Variants in ADARB1 observed in about 807,000 individuals in gnomAD.
ADARB1 encodes double-stranded RNA-specific editase 1.
Under a neutral mutation model 52.4 loss-of-function variants are expected in ADARB1, and 10 were observed. That is an observed-to-expected ratio of 0.19 (90% confidence interval 0.12 to 0.32). The LOEUF is 0.32. Ranked by LOEUF, ADARB1 falls within the 10% of genes least tolerant of loss-of-function variation. The pLI, the probability that ADARB1 is intolerant of heterozygous loss-of-function variation, is 1.00. For synonymous variants in ADARB1, 349 were observed against 371.1 expected, an observed-to-expected ratio of 0.94 and a Z score of 0.68; for missense variants, 643 against 922.3, an observed-to-expected ratio of 0.70 and a Z score of 3.92.
intron 2 of ADARB1, among the ~76,000 whole-genome samples, chr21:45,168,494 A>G (rs959472403): frequency 6.6e-6 from 1 of 152,234 alleles, no homozygotes; most frequent in African/African-American, 2.4e-5. Flanking sequence ...AGTTTTGAAT[A>G]AGGTAGGAGA....
rs2093041395 is a variant in ADARB1 at position 45,225,125 on chromosome 21, G to A, written c.*2928G>A. The A allele has an allele frequency of 9.9e-7, 1 of 1,006,758 alleles. No homozygotes were observed. The highest frequency in any genetic ancestry group is 1.2e-6 in the Non-Finnish European group (1 of 844,972). The allele number at this position is 1,006,758 out of a possible 1,614,324, so 62.4% of individuals were successfully genotyped here. A position where few individuals can be genotyped will look rare whatever the true frequency, so the allele number is the denominator to read the frequency against. On this transcript the variant is annotated 3_prime_UTR_variant, in exon 11 of 11. Transcript: ENST00000348831. Reference sequence around the variant, plus strand: ...AAACCTGAAGTATTAATTCCACAAAGACACTGTCCCTCAGGACCACTCAGG... The same window carrying A: ...AAACCTGAAGTATTAATTCCACAAAAACACTGTCCCTCAGGACCACTCAGG...
At position 45,204,495 on chromosome 21, in the gene ADARB1, C is replaced by A; in HGVS notation, c.1566-60C>A. 2 of 1,557,140 alleles carry A rather than the reference C, an allele frequency of 1.3e-6. No individual in the cohort carries two copies. Among genetic ancestry groups the A allele is most frequent in the Non-Finnish European group, 1.8e-6 (2 of 1,138,146 alleles). On this transcript the variant is annotated intron_variant, in intron 8 of 10. Transcript: ENST00000348831. The surrounding 1 kb of genome is among the most constrained non-coding windows in gnomAD (Gnocchi z 4.4). ...ATCCCTGTAACCACGCAGGCTTGGG[C>A]TGGGCTGCGTCGACACTGAGTCCGA... is the stretch of plus-strand genomic sequence containing the variant.
chr21:45,185,582 G>GA (rs899199858), intron 8 of ADARB1, among the ~76,000 whole-genome samples: 1 of 152,174 alleles, frequency 6.6e-6, no homozygotes, highest in Non-Finnish European at 1.5e-5. Context: ...CTGGGTGTGG[G>GA]TTAGGCTTAG....
chr21:45,164,971 A>G (rs375023335), intron 2 of ADARB1, among the ~76,000 whole-genome samples: 26 of 152,264 alleles, frequency 1.7e-4, no homozygotes, highest in East Asian at 1.4e-3. Context: ...ACACATGTGC[A>G]TTGGTACACC....
chr21:45,119,041 A>C lies in ADARB1; in HGVS notation c.-219-9361A>C, dbSNP rs1262634761. Among the ~76,000 whole-genome samples, 5 of 152,184 alleles carry C rather than the reference A, an allele frequency of 3.3e-5. No homozygotes were observed. In the East Asian group the frequency reaches 9.6e-4, roughly 29 times the overall value. The stretch of plus-strand genomic sequence containing the variant: ...ACATTTTAACAGAGCTCTGGGAAGA[A>C]TGGAGAGAAGATATGGTGTACTTTA... On this transcript the variant is annotated intron_variant, in intron 1 of 10. Transcript: ENST00000348831.
At chr21:45,195,719 G>A (rs1052286403) in intron 8 of ADARB1, among the ~76,000 whole-genome samples, 1 of 151,646 alleles carries the variant, frequency 6.6e-6, no homozygotes, top group Non-Finnish European at 1.5e-5. Context: ...TCAGTTGACT[G>A]TATTTATGTA....
intron 2 of ADARB1, among the ~76,000 whole-genome samples, chr21:45,156,824 G>C (rs2090682493): frequency 6.6e-6 from 1 of 152,142 alleles, no homozygotes; most frequent in African/African-American, 2.4e-5. Flanking sequence ...TCAGGCTTGA[G>C]GTTTGTTCTG....
At chr21:45,087,520 CT>C (rs2086393615) in intron 1 of ADARB1, among the ~76,000 whole-genome samples, 1 of 152,116 alleles carries the variant, frequency 6.6e-6, no homozygotes, top group Admixed American at 6.5e-5. Context: ...GAGATGGTGA[CT>C]GCAGAGGGCC....
intron 1 of ADARB1, among the ~76,000 whole-genome samples, chr21:45,106,773 C>G (rs1378016527): frequency 6.6e-6 from 1 of 152,152 alleles, no homozygotes; most frequent in Non-Finnish European, 1.5e-5. Context: ...GCAAATTTGT[C>G]TCTTCTCTGT....
In ADARB1 at chr21:45,098,482, C is replaced by G. The variant is rs562565565; in HGVS notation, c.-220+23689C>G. Among the ~76,000 whole-genome samples the G allele has an allele frequency of 1.3e-4, 20 of 152,292 alleles. No homozygotes were observed. The South Asian group carries it at 4.1e-3, about 32-fold the overall frequency. Reference sequence around the variant, plus strand: ...CAGCTCATTATATGACCGTTGTCTCCCATCCCGTCCTGACCTGCCTGTTTA... The same window carrying G: ...CAGCTCATTATATGACCGTTGTCTCGCATCCCGTCCTGACCTGCCTGTTTA... On this transcript the variant is annotated intron_variant, in intron 1 of 10. Transcript: ENST00000348831.
rs532607010 is a variant in ADARB1 at position 45,147,393 on chromosome 21, G to T, written c.-48+18820G>T. 1.2e-4 allele frequency among the ~76,000 whole-genome samples: 19 copies of T among 152,296 alleles called. No homozygotes were observed. In the South Asian group the frequency reaches 3.9e-3, roughly 32 times the overall value. ...CTGTGGGTTGCTTTTGACGTCCTCT[G>T]TTGGGGATACACTGTGCATCCGTAT... On this transcript the variant is annotated intron_variant, in intron 2 of 10. Transcript: ENST00000348831.
In ADARB1 at chr21:45,163,499, G is replaced by T. The variant is rs151217998; in HGVS notation, c.-47-8111G>T. On this transcript the variant is annotated intron_variant, in intron 2 of 10. Transcript: ENST00000348831. ...CCAGCGGGGGAGTGAGCGGGGAGGG[G>T]CAACCAGCTTTGCACAAGGAGCCAG... Among the ~76,000 whole-genome samples, 580 of 152,300 alleles carry T rather than the reference G, an allele frequency of 3.8e-3. 6 individuals carry two copies. The highest frequency in any genetic ancestry group is 0.013 in the African/African-American group (556 of 41,560).
rs2092984803 is a variant in ADARB1, at chr21:45,222,503, T to C, written c.*306T>C. 8.5e-7 allele frequency: 1 copy of C among 1,172,076 alleles called. No homozygotes were observed. The highest frequency in any genetic ancestry group is 4.0e-5 in the South Asian group (1 of 24,778). The allele number at this position is 1,172,076 out of a possible 1,614,324, so 72.6% of individuals were successfully genotyped here. A position where few individuals can be genotyped will look rare whatever the true frequency, so the allele number is the denominator to read the frequency against. The stretch of plus-strand genomic sequence containing the variant: ...CTCGGTTTACGTTTAGAAATTGAGT[T>C]CTACTGAGTAGGGCTTCCTTAAGTT... On this transcript the variant is annotated 3_prime_UTR_variant, in exon 11 of 11. Transcript: ENST00000348831.
intron 4 of ADARB1, among the ~76,000 whole-genome samples, chr21:45,178,811 A>G (rs907888624): frequency 6.6e-6 from 1 of 152,038 alleles, no homozygotes; most frequent in African/African-American, 2.4e-5. Flanking sequence ...CATTAACCAT[A>G]CAGGTTAATG....
At chr21:45,118,475 A>G (rs548296913) in intron 1 of ADARB1, 2 of 152,310 alleles carry the variant, frequency 1.3e-5, no homozygotes, top group East Asian at 1.9e-4. Flanking sequence ...CTTTGTTCTC[A>G]TACTTATTGA....
Position 45,222,438 on chromosome 21 carries a change from A to G in ADARB1, c.*241A>G, listed in dbSNP as rs923741790. On this transcript the variant is annotated 3_prime_UTR_variant, in exon 11 of 11. Transcript: ENST00000348831. ...TCGCCGCCTGGCATCTCTCTGCCGCAGCATTTCCCCTTCTGAACCGTCCAG... is the reference window on the plus strand; with the variant it reads ...TCGCCGCCTGGCATCTCTCTGCCGCGGCATTTCCCCTTCTGAACCGTCCAG... 8.6e-6 allele frequency: 11 copies of G among 1,285,718 alleles called. No homozygotes were observed. In the African/African-American group the frequency reaches 1.1e-4, roughly 13 times the overall value. 79.6% of individuals were successfully genotyped at this position (1,285,718 alleles called of 1,614,324 possible).
At chr21:45,170,073 A>G (rs1279387082) in intron 2 of ADARB1, among the ~76,000 whole-genome samples, 5 of 152,236 alleles carry the variant, frequency 3.3e-5, no homozygotes, top group East Asian at 3.8e-4. Context: ...AACATATACA[A>G]ATATACAATT....
intron 9 of ADARB1, among the ~76,000 whole-genome samples, chr21:45,206,882 C>G (rs934691394): frequency 6.6e-6 from 1 of 152,162 alleles, no homozygotes; most frequent in African/African-American, 2.4e-5. Context: ...CCTCCGTTAT[C>G]TCTAATCTTG....
intron 2 of ADARB1, among the ~76,000 whole-genome samples, chr21:45,149,727 T>G (rs1393897372): frequency 6.6e-6 from 1 of 152,256 alleles, no homozygotes; most frequent in Non-Finnish European, 1.5e-5. Flanking sequence ...TTGATTATTT[T>G]GTTTTTATTT....
Sources: gnomAD v4.1 joint callset for allele counts (sites outside exome capture counted in the v4.1 genomes callset) on GRCh38, gnomAD v4.1.1 for gene constraint, Gnocchi (gnomAD v3.1) non-coding constraint, MANE v1.5 for transcripts, NCBI Gene and HGNC (gene_info 2026-07-23, HGNC 2026-07-21) for gene names.